The following PPP2R2B variants were observed in gnomAD, a reference collection of about 807,000 sequenced individuals.
PPP2R2B encodes serine/threonine-protein phosphatase 2A 55 kDa regulatory subunit B beta isoform.
PPP2R2B carries 5 observed loss-of-function variants against 46.0 expected under a neutral mutation model. That is an observed-to-expected ratio of 0.11 (90% CI 0.06 to 0.23). The LOEUF (loss-of-function observed/expected upper bound fraction) is 0.23. Ranked by LOEUF, PPP2R2B falls within the 10% of genes least tolerant of loss-of-function variation. PPP2R2B has a pLI of 1.00. For synonymous variants in PPP2R2B, 215 were observed against 206.7 expected (o/e 1.04, Z -0.34); for missense variants, 367 against 575.0 (o/e 0.64, Z 3.70).
At chr5:146,962,771 C>T (rs189559622) in intron 1 of PPP2R2B, among the ~76,000 whole-genome samples, 23 of 152,246 alleles carry the variant, frequency 1.5e-4, no homozygotes, top group African/African-American at 4.8e-4. Flanking sequence ...CCCTCAAGTT[C>T]GCTGCGGAAC....
At chr5:147,072,648 T>G (rs1406925300) in intron 2 of PPP2R2B, among the ~76,000 whole-genome samples, 2 of 152,174 alleles carry the variant, frequency 1.3e-5, no homozygotes, top group Non-Finnish European at 2.9e-5. Flanking sequence ...GATAACGTGT[T>G]GAAAGCAGTT....
chr5:146,850,620 TA>T (rs1760288770), intron 2 of PPP2R2B, among the ~76,000 whole-genome samples: 1 of 152,226 alleles, frequency 6.6e-6, no homozygotes, highest in African/African-American at 2.4e-5. Context: ...AGCTAACTCT[TA>T]TTATGACTTT....
intron 2 of PPP2R2B, among the ~76,000 whole-genome samples, chr5:146,748,409 A>G (rs1464357352): frequency 1.3e-5 from 2 of 152,214 alleles, no homozygotes; most frequent in Non-Finnish European, 1.5e-5. Context: ...AGGATCTGAC[A>G]TTGATACAGT....
chr5:147,079,771 A>C (rs1757919131), intron 2 of PPP2R2B, among the ~76,000 whole-genome samples: 1 of 152,096 alleles, frequency 6.6e-6, no homozygotes, highest in Non-Finnish European at 1.5e-5. Flanking sequence ...TCTATAGCAC[A>C]GTAGGGTGAC....
chr5:147,009,779 C>A (rs1212910429), intron 1 of PPP2R2B, among the ~76,000 whole-genome samples: 3 of 151,774 alleles, frequency 2.0e-5, no homozygotes, highest in Non-Finnish European at 4.4e-5. Context: ...CAACAACTAT[C>A]CCAAGTGTAA....
chr5:147,062,664 A>G (rs186881782), intron 2 of PPP2R2B, among the ~76,000 whole-genome samples: 58 of 152,044 alleles, frequency 3.8e-4, no homozygotes, highest in African/African-American at 1.3e-3. Flanking sequence ...TCTGAACATT[A>G]TCTCCCCTAC....
chr5:146,639,002 T>C (rs898133463), intron 6 of PPP2R2B, among the ~76,000 whole-genome samples: 1 of 152,218 alleles, frequency 6.6e-6, no homozygotes, highest in Non-Finnish European at 1.5e-5. Context: ...CTTTATCTCA[T>C]TTAATCCTTA....
chr5:146,631,125 C>A (rs1327433613), intron 7 of PPP2R2B, among the ~76,000 whole-genome samples: 7 of 152,168 alleles, frequency 4.6e-5, no homozygotes, highest in Non-Finnish European at 8.8e-5. Flanking sequence ...ATGCTGGGCT[C>A]CTCACCGCCT....
In PPP2R2B at chr5:146,891,316, G is replaced by T. The variant is rs6865755; in HGVS notation, c.79+164349C>A. ...CACTTGTAGAGTAGTTGTAAAAATG[G>T]AATGAAATGCCTAAAGCAATGCATG... is the stretch of plus-strand genomic sequence containing the variant. On this transcript the variant is annotated intron_variant, in intron 1 of 8. Coordinates refer to the PPP2R2B transcript ENST00000336640. Among the ~76,000 whole-genome samples the T allele has an allele frequency of 4.1e-3, 622 of 152,300 alleles. 8 individuals are homozygous for T. Among genetic ancestry groups the T allele is most frequent in the African/African-American group, 0.014 (581 of 41,566 alleles).
intron 2 of PPP2R2B, among the ~76,000 whole-genome samples, chr5:147,064,017 T>G (rs1757347049): frequency 6.6e-6 from 1 of 152,180 alleles, no homozygotes; most frequent in Non-Finnish European, 1.5e-5. Flanking sequence ...GTTCTTACAG[T>G]AAGGGGCCAG....
At chr5:146,978,033 A>G (rs565063695) in intron 1 of PPP2R2B, among the ~76,000 whole-genome samples, 17 of 152,288 alleles carry the variant, frequency 1.1e-4, no homozygotes, top group African/African-American at 3.8e-4. Context: ...TCTCTCCAGC[A>G]TCTGTTGTTT....
chr5:146,901,276 G>A (rs568955276), intron 1 of PPP2R2B, among the ~76,000 whole-genome samples: 3 of 152,236 alleles, frequency 2.0e-5, no homozygotes, highest in South Asian at 4.2e-4. Context: ...GATGTGGGAG[G>A]ATCCCTTGAG....
At chr5:146,920,779 T>C (rs1229328949) in intron 1 of PPP2R2B, among the ~76,000 whole-genome samples, 1 of 152,180 alleles carries the variant, frequency 6.6e-6, no homozygotes, top group Non-Finnish European at 1.5e-5. Flanking sequence ...TGTGTGTTTG[T>C]TTTGTAGGGG....
chr5:146,847,554 G>A (rs73793300), intron 2 of PPP2R2B, among the ~76,000 whole-genome samples: 9,845 of 152,174 alleles, frequency 0.065, 591 homozygotes, highest in African/African-American at 0.16. Flanking sequence ...CTGGCCTCCA[G>A]GAACCCACCA....
chr5:146,894,022 G>C (rs1414943690), intron 1 of PPP2R2B, among the ~76,000 whole-genome samples: 2 of 152,102 alleles, frequency 1.3e-5, no homozygotes, highest in Non-Finnish European at 2.9e-5. Context: ...CTCCAGCCTG[G>C]GCAATAGAGT....
chr5:146,976,458 T>G (rs2151851861), intron 1 of PPP2R2B, among the ~76,000 whole-genome samples: 1 of 152,214 alleles, frequency 6.6e-6, no homozygotes, highest in African/African-American at 2.4e-5. Context: ...AGTTTTATGT[T>G]TTCCATTTAG....
chr5:146,767,719 T>C (rs1754575736), intron 2 of PPP2R2B, among the ~76,000 whole-genome samples: 1 of 152,192 alleles, frequency 6.6e-6, no homozygotes, highest in Admixed American at 6.5e-5. Context: ...TTGCAATCGA[T>C]GAACCTCTGT....
At chr5:146,772,021 C>T (rs535067277) in intron 2 of PPP2R2B, among the ~76,000 whole-genome samples, 4 of 152,038 alleles carry the variant, frequency 2.6e-5, no homozygotes, top group East Asian at 1.9e-4. Context: ...CATGGGTGTT[C>T]GTTGCAGCAT....
chr5:146,958,669 G>C (rs1012472362), intron 1 of PPP2R2B, among the ~76,000 whole-genome samples: 1 of 152,142 alleles, frequency 6.6e-6, no homozygotes, highest in African/African-American at 2.4e-5. Flanking sequence ...GAATTACGTA[G>C]TTAATAAATA....
Sources: gnomAD v4.1 joint callset for allele counts (sites outside exome capture counted in the v4.1 genomes callset) on GRCh38, gnomAD v4.1.1 for gene constraint, MANE v1.5 for transcripts, NCBI Gene and HGNC (gene_info 2026-07-23, HGNC 2026-07-21) for gene names.